Variants in MICAL2 observed in about 807,000 individuals in gnomAD.
MICAL2 encodes [F-actin]-monooxygenase MICAL2.
Under a neutral mutation model 127.3 loss-of-function variants are expected in MICAL2, and 77 were observed. The ratio of observed to expected loss-of-function variants is 0.60; its 90% CI spans 0.50 to 0.73. The LOEUF (loss-of-function observed/expected upper bound fraction) is 0.73, where lower values mean the gene tolerates loss of function less well. MICAL2 is among the 30% of genes least tolerant of loss of function. The pLI is 0.00. For missense variants in MICAL2, 1,351 were observed against 1,434.4 expected (o/e 0.94, Z 0.94); for synonymous variants, 570 against 551.1 (o/e 1.03, Z -0.48).
intron 26 of MICAL2, chr11:12,261,968 T>C (rs1863175728): frequency 1.0e-6 from 1 of 992,542 alleles, no homozygotes. Flanking sequence ...CAGGATAGGC[T>C]GAGATGCTTT....
intron 29 of MICAL2, among the ~76,000 whole-genome samples, chr11:12,299,233 A>T (rs1864019257): frequency 4.6e-5 from 7 of 152,108 alleles, no homozygotes; most frequent in Admixed American, 4.6e-4. Flanking sequence ...TAAGAATGTA[A>T]AGATTTTACC....
intron 26 of MICAL2, chr11:12,260,876 G>A (rs1391043196): frequency 1.0e-5 from 10 of 985,352 alleles, no homozygotes; most frequent in South Asian, 9.4e-5. Context: ...ACAAAGAACC[G>A]TGGGGTTTCA....
intron 26 of MICAL2, chr11:12,260,570 A>G (rs953793745): frequency 1.6e-5 from 16 of 996,402 alleles, no homozygotes; most frequent in Non-Finnish European, 1.9e-5. Flanking sequence ...TGCAAAGTGG[A>G]TGATTTAAGA....
chr11:12,327,451 C>G (rs568091078), intron 32 of MICAL2, among the ~76,000 whole-genome samples: 1 of 152,342 alleles, frequency 6.6e-6, no homozygotes, highest in East Asian at 1.9e-4. Context: ...TGGCCAAGAT[C>G]AAATGTAAAA....
chr11:12,245,114 G>T (rs1008307419), intron 21 of MICAL2, among the ~76,000 whole-genome samples: 1 of 152,158 alleles, frequency 6.6e-6, no homozygotes, highest in Non-Finnish European at 1.5e-5. Flanking sequence ...GGGTGGGAGA[G>T]GGTCTGTCTT....
At chr11:12,352,522 C>A (rs1939067735) in intron 33 of MICAL2, among the ~76,000 whole-genome samples, 1 of 152,196 alleles carries the variant, frequency 6.6e-6, no homozygotes, top group Admixed American at 6.5e-5. Flanking sequence ...ACTTTCCTCT[C>A]CAAAGGAGGG....
chr11:12,307,061 T>C (rs1864119947), intron 29 of MICAL2, among the ~76,000 whole-genome samples: 1 of 152,212 alleles, frequency 6.6e-6, no homozygotes, highest in African/African-American at 2.4e-5. Flanking sequence ...TGACATGCCA[T>C]ACAACCATGC....
In MICAL2 at chr11:12,216,307, T is replaced by A. The variant is rs1856144943; in HGVS notation, c.936T>A (p.Gly312=). ...TAKKQSLLDK[G]VIINDYIDTE... is the part of the protein sequence containing the mutation. Reference sequence around the variant, plus strand: ...AGAAGCAGAGCCTGCTCGACAAAGGTGTCATCATTAACGTACGTACCTCTT... The same window carrying A: ...AGAAGCAGAGCCTGCTCGACAAAGGAGTCATCATTAACGTACGTACCTCTT... Residue 312 remains glycine, a synonymous_variant, in exon 8 of 28, where the codon GGT becomes GGA. Coordinates refer to ENST00000683283, the MANE Select transcript of MICAL2 (RefSeq NM_001282663.2). 6.2e-7 allele frequency: 1 copy of A among 1,613,522 alleles called. No individual in the cohort carries two copies. The highest frequency in any genetic ancestry group is 1.3e-5 in the African/African-American group (1 of 74,846).
At chr11:12,254,111 T>C (rs1053666802) in intron 22 of MICAL2, 2 of 152,166 alleles carry the variant, frequency 1.3e-5, no homozygotes, top group African/African-American at 4.8e-5. Flanking sequence ...CATCAGATGC[T>C]GCTGTCACTC....
chr11:12,260,796 T>G (rs1863011413), intron 26 of MICAL2: 1 of 985,384 alleles, frequency 1.0e-6, no homozygotes, highest in South Asian at 4.7e-5. Flanking sequence ...GAGGACTGTT[T>G]TGCTCCCTTG....
At chr11:12,337,723 T>C (rs1455603688) in intron 32 of MICAL2, among the ~76,000 whole-genome samples, 3 of 152,162 alleles carry the variant, frequency 2.0e-5, no homozygotes, top group Non-Finnish European at 2.9e-5. Flanking sequence ...CCAGTAGTCA[T>C]TCAGGAGCAG....
At chr11:12,200,452 C>T (rs1488457300) in intron 3 of MICAL2, among the ~76,000 whole-genome samples, 1 of 152,224 alleles carries the variant, frequency 6.6e-6, no homozygotes, top group Non-Finnish European at 1.5e-5. Flanking sequence ...TCCCACTCCT[C>T]TGCCCGGGCA....
chr11:12,129,636 CTTT>C (rs559528778), intron 1 of MICAL2, among the ~76,000 whole-genome samples: 1 of 97,428 alleles, frequency 1.0e-5, no homozygotes. Flanking sequence ...TCTTCTTCTT[CTTT>C]TTTTTTTTTT....
chr11:12,329,862 GAAAAAAAAAAA>G (rs59395634), intron 32 of MICAL2, among the ~76,000 whole-genome samples: 1 of 121,986 alleles, frequency 8.2e-6, no homozygotes, highest in African/African-American at 3.3e-5. Context: ...CCCCAAATAT[GAAAAAAAAAAA>G]AAAAAAAAAA....
intron 3 of MICAL2, among the ~76,000 whole-genome samples, chr11:12,166,272 G>A (rs1855500929): frequency 6.6e-6 from 1 of 152,218 alleles, no homozygotes; most frequent in African/African-American, 2.4e-5. Context: ...TGGCATTACT[G>A]GGATTTGGAC....
intron 21 of MICAL2, among the ~76,000 whole-genome samples, chr11:12,248,258 AC>A (rs1861039939): frequency 1.3e-5 from 2 of 152,100 alleles, no homozygotes; most frequent in Admixed American, 1.3e-4. Context: ...GAGGGCTCTC[AC>A]GGGGGGCTCA....
At chr11:12,250,781 A>T (rs1042959680) in intron 22 of MICAL2, among the ~76,000 whole-genome samples, 2 of 152,224 alleles carry the variant, frequency 1.3e-5, no homozygotes, top group African/African-American at 4.8e-5. Flanking sequence ...CCAGATCATC[A>T]GATTGTCCAA....
chr11:12,202,089 T>C (rs1185455050), intron 3 of MICAL2, among the ~76,000 whole-genome samples: 2 of 151,164 alleles, frequency 1.3e-5, no homozygotes. Flanking sequence ...GCCATTGCAC[T>C]CCAGCCTGGG....
intron 1 of MICAL2, among the ~76,000 whole-genome samples, chr11:12,134,442 G>A (rs910558656): frequency 1.1e-4 from 17 of 152,320 alleles, no homozygotes; most frequent in African/African-American, 4.1e-4. Context: ...GGGCTGGGCT[G>A]CTCGCTGTTG....
Sources: allele counts gnomAD v4.1 joint callset (sites outside exome capture counted in the v4.1 genomes callset), GRCh38; gene constraint gnomAD v4.1.1; transcripts MANE v1.5; gene names NCBI Gene and HGNC (gene_info 2026-07-23, HGNC 2026-07-21).